The following CCDC148 variants were observed in gnomAD, a reference collection of about 807,000 sequenced individuals.
CCDC148 encodes coiled-coil domain containing 148, also known as coiled-coil domain-containing protein 148.
CCDC148 carries 89 observed loss-of-function variants against 85.7 expected under a neutral mutation model. That is an observed-to-expected ratio of 1.04 (90% CI 0.87 to 1.24). The LOEUF is 1.24. Ranked by LOEUF, CCDC148 falls within the 50% of genes most tolerant of loss-of-function variation. CCDC148 has a pLI of 0.00. For synonymous variants in CCDC148, 230 were observed against 213.9 expected, an observed-to-expected ratio of 1.08 and a Z score of -0.66; for missense variants, 692 against 671.7, an observed-to-expected ratio of 1.03 and a Z score of -0.33.
At chr2:158,242,857 A>G (rs1458917901) in intron 10 of CCDC148, among the ~76,000 whole-genome samples, 2 of 152,034 alleles carry the variant, frequency 1.3e-5, no homozygotes. Context: ...GTGAAATATC[A>G]TTTCAGTACC....
intron 9 of CCDC148, among the ~76,000 whole-genome samples, chr2:158,273,124 C>T (rs1293819237): frequency 6.6e-6 from 1 of 152,028 alleles, no homozygotes. Context: ...TCTTTCTGTG[C>T]TACAAATTAT....
At position 158,263,558 on chromosome 2, in the gene CCDC148, A is replaced by G. The variant is rs150020452; in HGVS notation, c.1111-12646T>C. Among the ~76,000 whole-genome samples, 14 of 152,164 alleles carry G rather than the reference A, an allele frequency of 9.2e-5. No individual in the cohort carries two copies. In the East Asian group the frequency reaches 1.9e-3, roughly 21 times the overall value. ...GAGATACTCAATAAAACTCATTCTT[A>G]AAGACACTTGTGATCTTACAAACAT... On this transcript the variant is annotated intron_variant, in intron 9 of 13. Coordinates refer to ENST00000283233, the MANE Select transcript of CCDC148 (RefSeq NM_138803.4).
At chr2:158,227,482 A>T (rs2105309250) in intron 10 of CCDC148, among the ~76,000 whole-genome samples, 1 of 152,322 alleles carries the variant, frequency 6.6e-6, no homozygotes, top group East Asian at 1.9e-4. Flanking sequence ...GAACCAAAAA[A>T]GAGCCCGCAT....
chr2:158,262,651 T>C (rs1689280858), intron 9 of CCDC148, among the ~76,000 whole-genome samples: 1 of 151,888 alleles, frequency 6.6e-6, no homozygotes, highest in Non-Finnish European at 1.5e-5. Context: ...AAGAAAGGCA[T>C]GTCTTACATA....
At chr2:158,217,053 C>T (rs1686900687) in intron 11 of CCDC148, among the ~76,000 whole-genome samples, 1 of 152,048 alleles carries the variant, frequency 6.6e-6, no homozygotes, top group African/African-American at 2.4e-5. Context: ...AGCCTTCCCT[C>T]TTAATCTCAA....
intron 13 of CCDC148, among the ~76,000 whole-genome samples, chr2:158,172,549 T>G (rs1198675268): frequency 6.6e-6 from 1 of 152,100 alleles, no homozygotes; most frequent in Non-Finnish European, 1.5e-5. Flanking sequence ...AAGCTTACTT[T>G]CAGTGCTACT....
rs760016277 is a variant in CCDC148, at chr2:158,309,510, C to G, written c.1033G>C (p.Ala345Pro). Residue 345 changes from alanine to proline, a missense_variant, in exon 9 of 14, where the codon GCA (alanine) becomes CCA (proline). Ala to Pro is a conservative substitution (Grantham distance 27). Coordinates refer to ENST00000283233, the MANE Select transcript of CCDC148 (RefSeq NM_138803.4). ...AACATGCTCTCCATTTCATGTGTTG[C>G]ACAAGCCTCAGTGAGTGTCAGCACA... ...KAVLTLTEAC[A>P]THEMESMLAK... 4 of 1,614,102 alleles carry G rather than the reference C, an allele frequency of 2.5e-6. No homozygotes were observed. In the Admixed American group the frequency reaches 6.7e-5, roughly 27 times the overall value.
chr2:158,172,483 T>A (rs1221514235), intron 13 of CCDC148, among the ~76,000 whole-genome samples: 6 of 152,014 alleles, frequency 3.9e-5, no homozygotes, highest in Non-Finnish European at 8.8e-5. Flanking sequence ...TAGAACATAG[T>A]GTACTAGATT....
intron 9 of CCDC148, among the ~76,000 whole-genome samples, chr2:158,263,286 C>T (rs1423255024): frequency 1.3e-5 from 2 of 151,974 alleles, no homozygotes; most frequent in East Asian, 3.9e-4. Context: ...TTCTGCAGTG[C>T]GTAGAGGGCA....
At chr2:158,285,193 C>T (rs1690559345) in intron 9 of CCDC148, among the ~76,000 whole-genome samples, 1 of 150,010 alleles carries the variant, frequency 6.7e-6, no homozygotes, top group South Asian at 2.1e-4. Flanking sequence ...GAGACTGAGG[C>T]AGGAGAATCG....
At chr2:158,277,608 T>TG (rs1690016471) in intron 9 of CCDC148, among the ~76,000 whole-genome samples, 1 of 152,304 alleles carries the variant, frequency 6.6e-6, no homozygotes, top group Admixed American at 6.5e-5. Flanking sequence ...TGTTTTTTTT[T>TG]GTTTTTGAGA....
At chr2:158,206,349 C>A (rs1179647412) in intron 11 of CCDC148, among the ~76,000 whole-genome samples, 1 of 152,128 alleles carries the variant, frequency 6.6e-6, no homozygotes, top group Non-Finnish European at 1.5e-5. Context: ...CTCAGCATGC[C>A]ACTCCTGCCA....
chr2:158,430,209 C>G (rs1368164129), intron 1 of CCDC148, among the ~76,000 whole-genome samples: 1 of 152,128 alleles, frequency 6.6e-6, no homozygotes, highest in African/African-American at 2.4e-5. Context: ...TCACCCCAAT[C>G]ATTCACAGTA....
At chr2:158,223,960 G>A (rs559382778) in intron 10 of CCDC148, among the ~76,000 whole-genome samples, 3 of 152,362 alleles carry the variant, frequency 2.0e-5, no homozygotes, top group Non-Finnish European at 4.4e-5. Flanking sequence ...ATGGAACAAA[G>A]CTGAATGGAG....
chr2:158,444,010 C>T (rs16842933), intron 1 of CCDC148, among the ~76,000 whole-genome samples: 4,288 of 152,242 alleles, frequency 0.028, 72 homozygotes, highest in African/African-American at 0.047. Flanking sequence ...ATACAAAATA[C>T]GTCAGGCTAT....
chr2:158,423,695 C>T (rs1327491506), intron 1 of CCDC148, among the ~76,000 whole-genome samples: 1 of 152,162 alleles, frequency 6.6e-6, no homozygotes, highest in Non-Finnish European at 1.5e-5. Context: ...GCAATGGCAA[C>T]ACAAGCCACA....
At chr2:158,248,648 T>C (rs1688668464) in intron 10 of CCDC148, among the ~76,000 whole-genome samples, 1 of 152,210 alleles carries the variant, frequency 6.6e-6, no homozygotes, top group South Asian at 2.1e-4. Context: ...CTTAGCAAAA[T>C]GCAACCAGGG....
At chr2:158,445,289 C>T (rs1688113660) in intron 1 of CCDC148, among the ~76,000 whole-genome samples, 1 of 152,128 alleles carries the variant, frequency 6.6e-6, no homozygotes. Flanking sequence ...AAATTCTCTA[C>T]ATTATAGGAA....
chr2:158,174,293 A>G (rs1045399546), intron 13 of CCDC148, among the ~76,000 whole-genome samples: 1 of 152,060 alleles, frequency 6.6e-6, no homozygotes, highest in African/African-American at 2.4e-5. Flanking sequence ...TGTGGATTTG[A>G]ATCCAAAACA....
Sources: allele counts gnomAD v4.1 joint callset (sites outside exome capture counted in the v4.1 genomes callset), GRCh38; gene constraint gnomAD v4.1.1; transcripts MANE v1.5; gene names NCBI Gene and HGNC (gene_info 2026-07-23, HGNC 2026-07-21).